Variants in JAZF1 observed in about 807,000 individuals in gnomAD.
The protein encoded by JAZF1 is juxtaposed with another zinc finger protein 1.
In JAZF1, 8 loss-of-function variants were observed where a neutral mutation model predicts 26.4. The observed-to-expected ratio is 0.30, with a 90% CI of 0.18 to 0.55. The LOEUF (loss-of-function observed/expected upper bound fraction) is 0.55, where lower values mean the gene tolerates loss of function less well. Ranked by LOEUF, JAZF1 falls within the 20% of genes least tolerant of loss-of-function variation. The pLI is 0.94. For synonymous variants in JAZF1, 126 were observed against 122.3 expected (o/e 1.03, Z -0.20); for missense variants, 199 against 322.0 (o/e 0.62, Z 2.92).
intron 4 of JAZF1, among the ~76,000 whole-genome samples, chr7:27,835,631 G>A (rs777186459): frequency 5.3e-5 from 8 of 152,182 alleles, no homozygotes; most frequent in Non-Finnish European, 8.8e-5. Context: ...GTTGACAAGC[G>A]TCAGTGGGTT....
At chr7:27,853,022 T>G (rs559642324) in intron 3 of JAZF1, among the ~76,000 whole-genome samples, 1 of 152,338 alleles carries the variant, frequency 6.6e-6, no homozygotes, top group South Asian at 2.1e-4. Flanking sequence ...AGGCTTGCCA[T>G]GAACCACAGG....
intron 3 of JAZF1, 31 bp downstream of exon 3, chr7:27,895,189 C>A (rs1784039367): frequency 3.4e-6 from 5 of 1,460,946 alleles, no homozygotes; most frequent in Non-Finnish European, 3.7e-6. Context: ...CCCTCTCCTC[C>A]TTCTCAAGGC....
intron 1 of JAZF1, among the ~76,000 whole-genome samples, chr7:28,168,154 G>A (rs1023808639): frequency 3.3e-5 from 5 of 152,054 alleles, no homozygotes; most frequent in African/African-American, 4.8e-5. Context: ...AGGCCGAGGC[G>A]GGTGGATCAT....
intron 3 of JAZF1, among the ~76,000 whole-genome samples, chr7:27,863,092 A>G (rs1051095982): frequency 6.6e-6 from 1 of 152,218 alleles, no homozygotes; most frequent in African/African-American, 2.4e-5. Context: ...TCATGAATTC[A>G]CTACTGACAT....
chr7:28,076,177 G>C (rs1265017266), intron 1 of JAZF1, among the ~76,000 whole-genome samples: 2 of 152,202 alleles, frequency 1.3e-5, no homozygotes, highest in Non-Finnish European at 2.9e-5. Context: ...CTCATTATCA[G>C]AGCACTTCAA....
chr7:27,870,102 T>C lies in JAZF1; in HGVS notation c.385+25118A>G, dbSNP rs1049236462. ...TTTTTTTTTTTTTTTTTTTTTTGTA[T>C]TTTTAGTAGAGACTGGGTTTCACCA... On this transcript the variant is annotated intron_variant, in intron 3 of 4. Coordinates refer to ENST00000283928, the MANE Select transcript of JAZF1 (RefSeq NM_175061.4). Among the ~76,000 whole-genome samples, 6 of 145,488 alleles carry C rather than the reference T, an allele frequency of 4.1e-5. No homozygotes were observed. The East Asian group carries it at 1.2e-3, about 30-fold the overall frequency.
chr7:27,882,822 T>C (rs1172627498), intron 3 of JAZF1, among the ~76,000 whole-genome samples: 2 of 152,162 alleles, frequency 1.3e-5, no homozygotes, highest in East Asian at 3.8e-4. Flanking sequence ...TGTTTTAGAC[T>C]GGTGGTGGCA....
At chr7:28,062,690 T>C (rs1235336339) in intron 1 of JAZF1, among the ~76,000 whole-genome samples, 2 of 152,174 alleles carry the variant, frequency 1.3e-5, no homozygotes, top group African/African-American at 2.4e-5. Flanking sequence ...AACCCAGCCT[T>C]GGGGAGTGGC....
intron 2 of JAZF1, among the ~76,000 whole-genome samples, chr7:27,926,635 T>C (rs1049024828): frequency 1.3e-5 from 2 of 152,184 alleles, no homozygotes; most frequent in African/African-American, 4.8e-5. Flanking sequence ...AATACAAATG[T>C]TGTGTGAATC....
chr7:28,033,654 C>T (rs778726161), intron 1 of JAZF1, among the ~76,000 whole-genome samples: 76 of 152,210 alleles, frequency 5.0e-4, no homozygotes, highest in Non-Finnish European at 9.1e-4. Flanking sequence ...AGCAACTCCC[C>T]TTTCTTTCAA....
intron 1 of JAZF1, among the ~76,000 whole-genome samples, chr7:28,170,167 C>T (rs1346355601): frequency 6.6e-6 from 1 of 152,014 alleles, no homozygotes; most frequent in Non-Finnish European, 1.5e-5. Context: ...CGTGTGCATG[C>T]AATCCCAGCT....
intron 1 of JAZF1, among the ~76,000 whole-genome samples, chr7:28,005,623 G>C (rs1347080979): frequency 1.3e-5 from 2 of 152,198 alleles, no homozygotes; most frequent in African/African-American, 4.8e-5. Context: ...ACAGTGTTCA[G>C]GTTCGTGGGC....
At chr7:28,067,797 A>G (rs1783908235) in intron 1 of JAZF1, among the ~76,000 whole-genome samples, 2 of 152,222 alleles carry the variant, frequency 1.3e-5, no homozygotes, top group African/African-American at 2.4e-5. Flanking sequence ...CAGATGGGAT[A>G]AATGACTTTT....
intron 2 of JAZF1, among the ~76,000 whole-genome samples, chr7:27,979,091 A>G (rs1394876382): frequency 6.6e-6 from 1 of 152,180 alleles, no homozygotes; most frequent in East Asian, 1.9e-4. Context: ...TACTGCACCA[A>G]GTAGTACAGG....
intron 1 of JAZF1, among the ~76,000 whole-genome samples, chr7:28,057,213 T>C (rs1052125170): frequency 2.6e-5 from 4 of 152,180 alleles, no homozygotes; most frequent in African/African-American, 9.7e-5. Context: ...AATAAATGAA[T>C]TGGTAATATA....
At chr7:28,020,249 A>G (rs1433662978) in intron 1 of JAZF1, among the ~76,000 whole-genome samples, 2 of 152,228 alleles carry the variant, frequency 1.3e-5, no homozygotes, top group African/African-American at 2.4e-5. Context: ...GAGTGCTGCG[A>G]TAACACCAAA....
chr7:27,906,080 C>T (rs572608514), intron 2 of JAZF1, among the ~76,000 whole-genome samples: 2 of 152,156 alleles, frequency 1.3e-5, no homozygotes, highest in African/African-American at 4.8e-5. Context: ...GCTGACCAAA[C>T]AGAACTCTTA....
intron 1 of JAZF1, among the ~76,000 whole-genome samples, chr7:28,062,963 A>C (rs1783824591): frequency 6.6e-6 from 1 of 152,186 alleles, no homozygotes; most frequent in Admixed American, 6.5e-5. Flanking sequence ...CCATCTTTTC[A>C]TGTATATGTC....
chr7:28,150,924 A>T (rs1014203822), intron 1 of JAZF1, among the ~76,000 whole-genome samples: 1 of 152,222 alleles, frequency 6.6e-6, no homozygotes, highest in Admixed American at 6.5e-5. Flanking sequence ...TAACGCCATT[A>T]AAAATTTCAT....
Sources: gnomAD v4.1 joint callset for allele counts (sites outside exome capture counted in the v4.1 genomes callset) on GRCh38, gnomAD v4.1.1 for gene constraint, MANE v1.5 for transcripts, NCBI Gene and HGNC (gene_info 2026-07-23, HGNC 2026-07-21) for gene names.